Variants in FAM83C observed in about 807,000 individuals in gnomAD.
FAM83C encodes protein FAM83C.
FAM83C carries 23 observed loss-of-function variants against 27.1 expected under a neutral mutation model. The ratio of observed to expected loss-of-function variants is 0.85; its 90% CI spans 0.61 to 1.20. The LOEUF is 1.20. FAM83C is among the 50% of genes most tolerant of loss of function. The pLI, the probability that FAM83C is intolerant of heterozygous loss-of-function variation, is 0.00. For missense variants in FAM83C, 984 were observed against 1,001.3 expected (o/e 0.98, Z 0.23); for synonymous variants, 426 against 423.1 (o/e 1.01, Z -0.09).
Position 35,287,918 on chromosome 20 carries a change from G to T in FAM83C, c.861C>A (p.Gly287=). The T allele has an allele frequency of 7.7e-6, 12 of 1,556,410 alleles. No homozygotes were observed. Among genetic ancestry groups the T allele is most frequent in the Non-Finnish European group, 1.0e-5 (12 of 1,149,320 alleles). ...CCCGGTCAAAGTCTTCCACGATGCG[G>T]CCCCTCAGCTGCAGCACCATGCTAG... is the stretch of plus-strand genomic sequence containing the variant. ...AHTSMVLQLR[G]RIVEDFDREF... Residue 287 remains glycine, a synonymous_variant, in exon 4 of 4, where the codon GGC becomes GGA. Coordinates refer to ENST00000374408, the MANE Select transcript of FAM83C (RefSeq NM_178468.6).
In FAM83C at chr20:35,288,428, C is replaced by A. The variant is rs1240916712; in HGVS notation, c.806+33G>T. On this transcript the variant is annotated intron_variant, in intron 3 of 3. Transcript: ENST00000374408. ...AGAGCTGCCAGCCAGTGATGCAGCC[C>A]CAGGCCCCCCTTGCCTCCTCGTGCC... 3.7e-6 allele frequency: 6 copies of A among 1,611,562 alleles called. No homozygotes were observed. The African/African-American group carries it at 6.7e-5, about 18-fold the overall frequency.
Position 35,288,549 on chromosome 20 carries a change from A to G in FAM83C, c.718T>C (p.Cys240Arg), listed in dbSNP as rs1343197330. ...RVRSTCGDTY[C>R]SKAGRRFTGQ... is the part of the protein sequence containing the mutation. Reference sequence around the variant, plus strand: ...GTGAAGCGGCGGCCAGCCTTGCTGCAGTATGTGTCCCCACACGTGCTCCGC... The same window carrying G: ...GTGAAGCGGCGGCCAGCCTTGCTGCGGTATGTGTCCCCACACGTGCTCCGC... Residue 240 changes from cysteine to arginine, a missense_variant, in exon 3 of 4, where the codon TGC becomes CGC. Coordinates refer to ENST00000374408, the MANE Select transcript of FAM83C (RefSeq NM_178468.6). The G allele has an allele frequency of 6.2e-7, 1 of 1,614,214 alleles. No homozygotes were observed. The highest frequency in any genetic ancestry group is 1.7e-5 in the Admixed American group (1 of 60,020).
chr20:35,286,350 T>G lies in FAM83C; in HGVS notation c.*185A>C. 3 of 597,940 alleles carry G rather than the reference T, an allele frequency of 5.0e-6. No individual in the cohort carries two copies. The highest frequency in any genetic ancestry group is 2.1e-5 in the South Asian group (1 of 46,972). The allele number at this position is 597,940 out of a possible 1,614,324, so 37.0% of individuals were successfully genotyped here. A position where few individuals can be genotyped will look rare whatever the true frequency, so the allele number is the denominator to read the frequency against. ...CAGCCTAGATTCAAGAAGATACTAG[T>G]TAGGGTGTGTGTGTGTGTGTGTGTG... On this transcript the variant is annotated 3_prime_UTR_variant, in exon 4 of 4. Transcript: ENST00000374408.
chr20:35,285,868 A>G lies in FAM83C; in HGVS notation c.*667T>C, dbSNP rs2146270249. The G allele has an allele frequency of 6.4e-6, 1 of 156,290 alleles. No homozygotes were observed. Among genetic ancestry groups the G allele is most frequent in the South Asian group, 1.9e-4 (1 of 5,332 alleles). 9.7% of individuals were successfully genotyped at this position (156,290 alleles called of 1,614,324 possible). A position where few individuals can be genotyped will look rare whatever the true frequency, so the allele number is the denominator to read the frequency against. ...CAGCAAGATGATGACGACGACAATG[A>G]TGATGATGATGATGATGACTCAGCA... On this transcript the variant is annotated 3_prime_UTR_variant, in exon 4 of 4. Transcript: ENST00000374408.
At position 35,287,391 on chromosome 20, in the gene FAM83C, G is replaced by T. The variant is rs1057011060; in HGVS notation, c.1388C>A (p.Ser463Tyr). 8.1e-6 allele frequency: 13 copies of T among 1,613,964 alleles called. No homozygotes were observed. The South Asian group carries it at 1.4e-4, about 18-fold the overall frequency. ...LQFHRGAPAL[S>Y]RFPENGLPGS... ...TGGGAGCCCATTCTCTGGGAACCGG[G>T]ACAGAGCTGGGGCACCCCGATGGAA... The change falls in exon 4 of 4, where the codon TCC becomes TAC. Residue 463 changes from serine (S) to tyrosine (Y), a missense_variant. Physicochemically the swap from Ser to Tyr is moderately radical, Grantham distance 144. Transcript: ENST00000374408.
In FAM83C at chr20:35,287,973, C is replaced by A; in HGVS notation, c.807-1G>T. ...GGCCTGGCTGCAAAGCCAGGTGAAG[C>A]TGGGGGCAGAGGGACAGGGGGGTCA... On this transcript the variant is annotated splice_acceptor_variant, in intron 3 of 3. Transcript: ENST00000374408. LOFTEE classifies it high-confidence loss of function. The A allele has an allele frequency of 6.4e-7, 1 of 1,562,934 alleles. No homozygotes were observed.
Position 35,287,000 on chromosome 20 carries a change from T to G in FAM83C, c.1779A>C (p.Gln593His). The G allele has an allele frequency of 6.2e-7, 1 of 1,610,288 alleles. No individual in the cohort carries two copies. Residue 593 changes from glutamine to histidine, a missense_variant, in exon 4 of 4, where the codon CAA (glutamine) becomes CAC (histidine). Gln to His is a conservative substitution (Grantham distance 24, BLOSUM62 0). Transcript: ENST00000374408. ...TGGGGTACTGCATCAGGAGGTCTGA[T>G]TGGCCACGGCTTTGGTTTAGGGACA... ...RRLSLNQSRGQSDLLMQYPKA... is the reference protein window; with the variant it reads ...RRLSLNQSRGHSDLLMQYPKA...
At position 35,286,961 on chromosome 20, in the gene FAM83C, G is replaced by A. The variant is rs774417590; in HGVS notation, c.1818C>T (p.Ser606=). Residue 606 remains serine (S), a synonymous_variant, in exon 4 of 4, where the codon TCC becomes TCT. Coordinates refer to ENST00000374408, the MANE Select transcript of FAM83C (RefSeq NM_178468.6). ...AGGAGTTGGTTTCAAGGGGCACTCTGGAACCCTGGGCCTTGGGGTACTGCA... is the reference window on the plus strand; with the variant it reads ...AGGAGTTGGTTTCAAGGGGCACTCTAGAACCCTGGGCCTTGGGGTACTGCA... ...LLMQYPKAQG[S]RVPLETNSSA... is the part of the protein sequence containing the mutation. The A allele has an allele frequency of 2.5e-6, 4 of 1,613,356 alleles. No individual in the cohort carries two copies. The African/African-American group carries it at 5.3e-5, about 22-fold the overall frequency.
chr20:35,290,600 A>G (rs1457422081), intron 1 of FAM83C, among the ~76,000 whole-genome samples: 2 of 152,226 alleles, frequency 1.3e-5, no homozygotes, highest in Non-Finnish European at 2.9e-5. Context: ...TCCCAAGGTC[A>G]CTAGGAGTCA....
chr20:35,287,082 C>A lies in FAM83C; in HGVS notation c.1697G>T (p.Gly566Val), dbSNP rs1568634296. The change falls in exon 4 of 4, where the codon GGT becomes GTT. Residue 566 changes from glycine (G) to valine (V), a missense_variant. Transcript: ENST00000374408. ...TCTGAGGGAACCCAACTCAGGGGCA[C>A]CCCCAGTACCCAGGGCTCGGGACAG... Reference protein sequence around the residue: ...DLLSRALGTGGAPELGSLRPG... With the variant: ...DLLSRALGTGVAPELGSLRPG... 6.2e-7 allele frequency: 1 copy of A among 1,604,888 alleles called. No individual in the cohort carries two copies. The highest frequency in any genetic ancestry group is 1.3e-5 in the African/African-American group (1 of 75,068).
In FAM83C at chr20:35,287,033, G is replaced by A. The variant is rs1397608091; in HGVS notation, c.1746C>T (p.Asp582=). Residue 582 remains aspartate, a synonymous_variant, in exon 4 of 4, where the codon GAC becomes GAT. Coordinates refer to ENST00000374408, the MANE Select transcript of FAM83C (RefSeq NM_178468.6). ...SLRPGDRALE[D]RRLSLNQSRG... ...GGCTTTGGTTTAGGGACAGCCTCCT[G>A]TCCTCCAGGGCCCGATCACCAGGTC... The A allele has an allele frequency of 1.2e-6, 2 of 1,606,038 alleles. No homozygotes were observed. The highest frequency in any genetic ancestry group is 3.3e-5 in the Admixed American group (2 of 60,032).
In FAM83C at chr20:35,286,449, A is replaced by C; in HGVS notation, c.*86T>G. 1 of 1,372,376 alleles carries C rather than the reference A, an allele frequency of 7.3e-7. No individual in the cohort carries two copies. The highest frequency in any genetic ancestry group is 9.8e-7 in the Non-Finnish European group (1 of 1,024,750). 85.0% of individuals were successfully genotyped at this position (1,372,376 alleles called of 1,614,324 possible). On this transcript the variant is annotated 3_prime_UTR_variant, in exon 4 of 4. Transcript: ENST00000374408. Reference sequence around the variant, plus strand: ...GGGTTTCTAGACACCTCCCTTCCCCAGTCTGGGACCTGAGCAAGTCCAGAG... The same window carrying C: ...GGGTTTCTAGACACCTCCCTTCCCCCGTCTGGGACCTGAGCAAGTCCAGAG...
Position 35,290,126 on chromosome 20 carries a change from C to T in FAM83C, c.514-1168G>A, listed in dbSNP as rs142385353. On this transcript the variant is annotated intron_variant, in intron 1 of 3. Transcript: ENST00000374408. The stretch of plus-strand genomic sequence containing the variant: ...TGAAGCCACAGAGGTCTGGTGTGAC[C>T]CCTTACACTGCAGACTCCCTTACTT... 7.9e-4 allele frequency among the ~76,000 whole-genome samples: 121 copies of T among 152,290 alleles called. 1 individual carries two copies. The highest frequency in any genetic ancestry group is 2.6e-3 in the African/African-American group (108 of 41,556).
chr20:35,286,461 G>A lies in FAM83C; in HGVS notation c.*74C>T. ...ACCTCCCTTCCCCAGTCTGGGACCT[G>A]AGCAAGTCCAGAGTCTCGGTGGACA... On this transcript the variant is annotated 3_prime_UTR_variant, in exon 4 of 4. Transcript: ENST00000374408. The A allele has an allele frequency of 2.1e-6, 3 of 1,450,720 alleles. No homozygotes were observed. The highest frequency in any genetic ancestry group is 4.5e-5 in the Admixed American group (2 of 44,162). The allele number at this position is 1,450,720 out of a possible 1,614,324, so 89.9% of individuals were successfully genotyped here.
chr20:35,288,705 C>T, intron 2 of FAM83C, 86 bp downstream of exon 2: 2 of 1,550,512 alleles, frequency 1.3e-6, no homozygotes, highest in Admixed American at 1.8e-5. Context: ...CAGTGCCCCC[C>T]AGTGCTGACT....
Position 35,286,241 on chromosome 20 carries a change from G to T in FAM83C, c.*294C>A. On this transcript the variant is annotated 3_prime_UTR_variant, in exon 4 of 4. Transcript: ENST00000374408. ...TGATATGGCTCTGACCCCTTCTCCA[G>T]CAGCTTGTGCATTTCACCTCTGTCC... 2.6e-6 allele frequency: 1 copy of T among 381,034 alleles called. No homozygotes were observed. The highest frequency in any genetic ancestry group is 4.8e-6 in the Non-Finnish European group (1 of 209,674). 23.6% of individuals were successfully genotyped at this position (381,034 alleles called of 1,614,324 possible). A position where few individuals can be genotyped will look rare whatever the true frequency, so the allele number is the denominator to read the frequency against.
chr20:35,287,991 G>C lies in FAM83C; in HGVS notation c.807-19C>G. On this transcript the variant is annotated intron_variant, in intron 3 of 3. Coordinates refer to ENST00000374408, the MANE Select transcript of FAM83C (RefSeq NM_178468.6). ...GGTGAAGCTGGGGGCAGAGGGACAG[G>C]GGGGTCAGGAGGCAAAGTGCAGGAT... 1.9e-6 allele frequency: 3 copies of C among 1,557,990 alleles called. No individual in the cohort carries two copies. Among genetic ancestry groups the C allele is most frequent in the Non-Finnish European group, 2.6e-6 (3 of 1,149,680 alleles).
Position 35,287,437 on chromosome 20 carries a change from G to A in FAM83C, c.1342C>T (p.Arg448Cys), listed in dbSNP as rs375816362. Residue 448 changes from arginine (R) to cysteine (C), a missense_variant, in exon 4 of 4, where the codon CGC becomes TGC. Physicochemically the swap from Arg to Cys is radical, Grantham distance 180. Transcript: ENST00000374408. ...TLAVGSPLLP[R>C]SRPLLQFHRG... ...TGGAACTGGAGGAGGGGCCGGGAGC[G>A]AGGAAGCAGAGGTGACCCCACTGCC... is the stretch of plus-strand genomic sequence containing the variant. The A allele has an allele frequency of 1.7e-4, 278 of 1,614,166 alleles. 3 individuals are homozygous for A. In the South Asian group the frequency reaches 2.7e-3, roughly 16 times the overall value.
Position 35,287,005 on chromosome 20 carries a change from C to G in FAM83C, c.1774G>C (p.Gly592Arg), listed in dbSNP as rs2060829228. ...TACTGCATCAGGAGGTCTGATTGGC[C>G]ACGGCTTTGGTTTAGGGACAGCCTC... ...DRRLSLNQSR[G>R]QSDLLMQYPK... The change falls in exon 4 of 4, where the codon GGC (glycine) becomes CGC (arginine). Residue 592 changes from glycine to arginine, a missense_variant. Gly to Arg is a moderately radical substitution (Grantham distance 125, BLOSUM62 -2). Transcript: ENST00000374408. 7 of 1,609,576 alleles carry G rather than the reference C, an allele frequency of 4.3e-6. No individual in the cohort carries two copies. The African/African-American group carries it at 5.3e-5, about 12-fold the overall frequency.
Sources: gnomAD v4.1 joint callset for allele counts (sites outside exome capture counted in the v4.1 genomes callset) on GRCh38, gnomAD v4.1.1 for gene constraint, MANE v1.5 for transcripts, NCBI Gene and HGNC (gene_info 2026-07-23, HGNC 2026-07-21) for gene names.